The following EYS variants were observed in gnomAD, a reference collection of about 807,000 sequenced individuals.
EYS encodes the protein protein eyes shut homolog.
A neutral mutation model predicts 282.1 loss-of-function variants in EYS; 250 were observed. The observed-to-expected ratio is 0.89, with a 90% confidence interval of 0.80 to 0.98. EYS has a LOEUF of 0.98. Among genes scored for constraint, EYS ranks in the 50% least tolerant of loss-of-function variants. The pLI is 0.00. For synonymous variants in EYS, 1,355 were observed against 1,282.9 expected, an observed-to-expected ratio of 1.06 and a Z score of -1.20; for missense variants, 4,016 against 3,709.0, an observed-to-expected ratio of 1.08 and a Z score of -2.15.
At chr6:64,019,856 A>G (rs916664814) in intron 33 of EYS, among the ~76,000 whole-genome samples, 3 of 145,794 alleles carry the variant, frequency 2.1e-5, no homozygotes, top group Admixed American at 1.4e-4. Flanking sequence ...ATAAGTATAT[A>G]TATATATATA....
At chr6:64,944,025 C>A (rs965191485) in intron 15 of EYS, among the ~76,000 whole-genome samples, 4 of 152,140 alleles carry the variant, frequency 2.6e-5, no homozygotes, top group African/African-American at 9.6e-5. Context: ...AACAGACACA[C>A]AGATCAGTGG....
At chr6:65,320,285 G>T (rs1215554730) in intron 11 of EYS, among the ~76,000 whole-genome samples, 3 of 151,932 alleles carry the variant, frequency 2.0e-5, no homozygotes, top group Admixed American at 6.6e-5. Flanking sequence ...GAAGACAAAA[G>T]CACATGTAGC....
chr6:65,133,744 G>A (rs1775946958), intron 12 of EYS, among the ~76,000 whole-genome samples: 1 of 151,914 alleles, frequency 6.6e-6, no homozygotes, highest in Admixed American at 6.6e-5. Flanking sequence ...AAAAGCAATT[G>A]CAACAAAAGC....
At chr6:63,852,983 T>C (rs1772299087) in intron 36 of EYS, among the ~76,000 whole-genome samples, 1 of 152,180 alleles carries the variant, frequency 6.6e-6, no homozygotes. Flanking sequence ...GGAACATATC[T>C]CAAAATAATA....
rs191060280 is a variant in EYS at position 65,003,756 on chromosome 6, G to A, written c.2138-6053C>T. Among the ~76,000 whole-genome samples, 3 of 147,556 alleles carry A rather than the reference G, an allele frequency of 2.0e-5. 1 individual carries two copies. On this transcript the variant is annotated intron_variant, in intron 13 of 42. Coordinates refer to ENST00000503581, the MANE Select transcript of EYS (RefSeq NM_001142800.2). Reference sequence around the variant, plus strand: ...GAAAAGAACCTACGTGAATATCAGGGCAGGTTACCTGATACTGAGGGATCA... The same window carrying A: ...GAAAAGAACCTACGTGAATATCAGGACAGGTTACCTGATACTGAGGGATCA...
At chr6:65,334,686 A>T (rs1426317181) in intron 11 of EYS, among the ~76,000 whole-genome samples, 1 of 151,850 alleles carries the variant, frequency 6.6e-6, no homozygotes, top group Non-Finnish European at 1.5e-5. Context: ...ATCTTAACTT[A>T]GCAGAATTTA....
chr6:64,400,092 A>G (rs1290678184), intron 28 of EYS, among the ~76,000 whole-genome samples: 1 of 151,992 alleles, frequency 6.6e-6, no homozygotes, highest in African/African-American at 2.4e-5. Flanking sequence ...TGAATATATC[A>G]TGAGGGAAAT....
chr6:64,131,164 G>C (rs116815146), intron 31 of EYS, among the ~76,000 whole-genome samples: 1 of 152,146 alleles, frequency 6.6e-6, no homozygotes, highest in Non-Finnish European at 1.5e-5. Flanking sequence ...ACTGGACCCG[G>C]TGTGAATTTT....
Position 64,439,157 on chromosome 6 carries a change from C to T in EYS, c.5835+5G>A, listed in dbSNP as rs1561995121. Reference sequence around the variant, plus strand: ...TTAAAAAATTAAATGAACTGAATAACTTACCTTTAAAGTACCATTTTCAAT... The same window carrying T: ...TTAAAAAATTAAATGAACTGAATAATTTACCTTTAAAGTACCATTTTCAAT... On this transcript the variant is annotated splice_donor_5th_base_variant and intron_variant, in intron 27 of 42. Transcript: ENST00000503581. The T allele has an allele frequency of 7.2e-7, 1 of 1,388,796 alleles. No individual in the cohort carries two copies. 86.0% of individuals were successfully genotyped at this position (1,388,796 alleles called of 1,614,324 possible). A position where few individuals can be genotyped will look rare whatever the true frequency, so the allele number is the denominator to read the frequency against.
chr6:63,783,001 T>A (rs1770274121), intron 39 of EYS, among the ~76,000 whole-genome samples: 1 of 151,854 alleles, frequency 6.6e-6, no homozygotes, highest in Non-Finnish European at 1.5e-5. Flanking sequence ...GTAAACTGAT[T>A]ACATTTTCCC....
At chr6:64,052,725 C>CG (rs1320485228) in intron 33 of EYS, among the ~76,000 whole-genome samples, 3 of 151,978 alleles carry the variant, frequency 2.0e-5, no homozygotes, top group Non-Finnish European at 4.4e-5. Flanking sequence ...TGAATCATGG[C>CG]GGTGGTTTCT....
chr6:64,763,472 A>G (rs566429887), intron 22 of EYS, among the ~76,000 whole-genome samples: 3 of 152,280 alleles, frequency 2.0e-5, no homozygotes, highest in East Asian at 3.9e-4. Flanking sequence ...TAAAAACAGC[A>G]TGAGGCAAAT....
At chr6:65,527,004 C>A (rs1474854911) in intron 2 of EYS, among the ~76,000 whole-genome samples, 1 of 151,982 alleles carries the variant, frequency 6.6e-6, no homozygotes, top group Admixed American at 6.6e-5. Context: ...AGGGATGAGT[C>A]CCTAGGTTTC....
At chr6:63,785,201 G>T (rs577354427) in intron 39 of EYS, among the ~76,000 whole-genome samples, 3 of 152,296 alleles carry the variant, frequency 2.0e-5, no homozygotes, top group African/African-American at 7.2e-5. Flanking sequence ...GTGAAGATGA[G>T]ATGTTTCACT....
At chr6:63,979,905 G>T (rs560136468) in intron 35 of EYS, among the ~76,000 whole-genome samples, 1 of 151,982 alleles carries the variant, frequency 6.6e-6, no homozygotes, top group South Asian at 2.1e-4. Flanking sequence ...AATGACATTT[G>T]CTCAGTAAAG....
chr6:64,342,882 CA>C (rs1194424459), intron 29 of EYS, among the ~76,000 whole-genome samples: 1 of 151,416 alleles, frequency 6.6e-6, no homozygotes, highest in Non-Finnish European at 1.5e-5. Context: ...AAATGGAAAA[CA>C]AAAAAAGGCA....
chr6:65,550,143 CTTTTTTTTTT>C (rs1048251073), intron 2 of EYS, among the ~76,000 whole-genome samples: 2 of 5,956 alleles, frequency 3.4e-4, no homozygotes, highest in Non-Finnish European at 4.9e-4. Flanking sequence ...TCTACTATAT[CTTTTTTTTTT>C]TTTTTTTTTT....
chr6:65,001,108 G>A (rs1771449571), intron 13 of EYS, among the ~76,000 whole-genome samples: 1 of 144,758 alleles, frequency 6.9e-6, no homozygotes, highest in Non-Finnish European at 1.6e-5. Flanking sequence ...GTGTTACAAT[G>A]CTCTCAGCCT....
intron 18 of EYS, among the ~76,000 whole-genome samples, chr6:64,892,281 T>C (rs1767315478): frequency 6.6e-6 from 1 of 151,946 alleles, no homozygotes; most frequent in Non-Finnish European, 1.5e-5. Context: ...GCTTCTGAAG[T>C]TATTTTAAAA....
Sources: allele counts gnomAD v4.1 joint callset (sites outside exome capture counted in the v4.1 genomes callset), GRCh38; gene constraint gnomAD v4.1.1; transcripts MANE v1.5; gene names NCBI Gene and HGNC (gene_info 2026-07-23, HGNC 2026-07-21).